ZFPM2: variants seen among roughly 807,000 people sequenced by gnomAD.
The protein encoded by ZFPM2 is zinc finger protein ZFPM2.
ZFPM2 carries 20 observed loss-of-function variants against 98.6 expected under a neutral mutation model. That is an observed-to-expected ratio of 0.20 (90% CI 0.14 to 0.29). The LOEUF is 0.29. Among genes scored for constraint, ZFPM2 ranks in the 10% least tolerant of loss-of-function variants. The probability of loss-of-function intolerance (pLI) is 1.00; values close to 1 mark genes in which losing one functional copy is unlikely to be tolerated. For missense variants in ZFPM2, 1,310 were observed against 1,388.6 expected (o/e 0.94, Z 0.90); for synonymous variants, 518 against 502.7 (o/e 1.03, Z -0.41).
chr8:105,489,466 A>ATATATATATATTTTTTTTTTTT (rs1554610604), intron 3 of ZFPM2, among the ~76,000 whole-genome samples: 1 of 119,776 alleles, frequency 8.3e-6, no homozygotes, highest in African/African-American at 3.6e-5. Flanking sequence ...ATATATATAT[A>ATATATATATATTTTTTTTTTTT]TTTTTTTTTT....
intron 5 of ZFPM2, among the ~76,000 whole-genome samples, chr8:105,767,701 G>A (rs1356324480): frequency 6.6e-6 from 1 of 151,654 alleles, no homozygotes; most frequent in Non-Finnish European, 1.5e-5. Flanking sequence ...AGACAATCAG[G>A]GAATATAAAA....
intron 4 of ZFPM2, chr8:105,616,567 C>T (rs1816419211): frequency 4.8e-6 from 1 of 207,332 alleles, no homozygotes; most frequent in Non-Finnish European, 1.0e-5. Flanking sequence ...AATCAGTACA[C>T]ACAATAATTA....
At chr8:105,378,877 T>A (rs1382604856) in intron 1 of ZFPM2, among the ~76,000 whole-genome samples, 2 of 152,038 alleles carry the variant, frequency 1.3e-5, no homozygotes, top group African/African-American at 4.8e-5. Context: ...TAATCAAGGA[T>A]AGGTAGGTAT....
At chr8:105,437,746 T>G (rs1163707964) in intron 2 of ZFPM2, among the ~76,000 whole-genome samples, 1 of 152,156 alleles carries the variant, frequency 6.6e-6, no homozygotes, top group African/African-American at 2.4e-5. Context: ...ATTTTTAATG[T>G]TAAACATTGT....
At chr8:105,600,318 G>T (rs186399137) in intron 4 of ZFPM2, among the ~76,000 whole-genome samples, 192 of 152,182 alleles carry the variant, frequency 1.3e-3, no homozygotes, top group Non-Finnish European at 2.3e-3. Context: ...AATATACTCT[G>T]AAATGTTTGT....
intron 6 of ZFPM2, among the ~76,000 whole-genome samples, chr8:105,795,387 A>C (rs918394903): frequency 2.0e-5 from 3 of 151,786 alleles, no homozygotes; most frequent in African/African-American, 4.8e-5. Context: ...CTGATGTTCT[A>C]CATGAGTTCA....
chr8:105,318,911 G>C lies in ZFPM2; in HGVS notation c.-31G>C. ...CGGCAGCCGCGACCGCGGGCACCGCGGGAGCCCCAGCGGCAGCAGCCGCCG... is the reference window on the plus strand; with the variant it reads ...CGGCAGCCGCGACCGCGGGCACCGCCGGAGCCCCAGCGGCAGCAGCCGCCG... On this transcript the variant is annotated 5_prime_UTR_variant, in exon 1 of 8. Coordinates refer to ENST00000407775, the MANE Select transcript of ZFPM2 (RefSeq NM_012082.4). 1.5e-6 allele frequency: 2 copies of C among 1,367,176 alleles called. No homozygotes were observed. The highest frequency in any genetic ancestry group is 1.5e-5 in the South Asian group (1 of 65,484). The allele number at this position is 1,367,176 out of a possible 1,614,324, so 84.7% of individuals were successfully genotyped here. A position where few individuals can be genotyped will look rare whatever the true frequency, so the allele number is the denominator to read the frequency against.
rs904100882 is a variant in ZFPM2, at chr8:105,725,031, TTACAA to T, written c.533-63681_533-63677del. Among the ~76,000 whole-genome samples, 13 of 151,948 alleles carry T rather than the reference TTACAA, an allele frequency of 8.6e-5. No individual in the cohort carries two copies. In the East Asian group the frequency reaches 1.2e-3, roughly 14 times the overall value. ...TTAAATCACATTTTTTTATCTGCCTTTACAATACAACATCCTTGCTCTTTTGTAAA... is the reference window on the plus strand; with the variant it reads ...TTAAATCACATTTTTTTATCTGCCTTTACAACATCCTTGCTCTTTTGTAAA... On this transcript the variant is annotated intron_variant, in intron 5 of 7. Transcript: ENST00000407775.
At chr8:105,693,743 C>T (rs1259848089) in intron 5 of ZFPM2, among the ~76,000 whole-genome samples, 2 of 151,878 alleles carry the variant, frequency 1.3e-5, no homozygotes, top group Non-Finnish European at 2.9e-5. Context: ...GGTGTATTAT[C>T]CAATTTTTAA....
chr8:105,393,239 C>A (rs1251647405), intron 1 of ZFPM2, among the ~76,000 whole-genome samples: 1 of 151,902 alleles, frequency 6.6e-6, no homozygotes, highest in African/African-American at 2.4e-5. Flanking sequence ...TAGAAGACAG[C>A]CTAATAAAAA....
rs147594424 is a variant in ZFPM2, at chr8:105,681,605, G to A, written c.532+47248G>A. 1.6e-3 allele frequency among the ~76,000 whole-genome samples: 247 copies of A among 152,250 alleles called. 1 individual carries two copies. Among genetic ancestry groups the A allele is most frequent in the Middle Eastern group, 0.014 (4 of 294 alleles). On this transcript the variant is annotated intron_variant, in intron 5 of 7. Transcript: ENST00000407775. ...AGTGTTGGATTCCTCATATCTGAAA[G>A]TAGGAAGAGTAATAACTACCTTGTG...
chr8:105,614,679 A>G (rs1187134212), intron 4 of ZFPM2, among the ~76,000 whole-genome samples: 2 of 152,044 alleles, frequency 1.3e-5, no homozygotes, highest in Non-Finnish European at 2.9e-5. Flanking sequence ...GCGGGACCCT[A>G]TGCACCAGTC....
At chr8:105,516,548 T>C (rs1403112203) in intron 3 of ZFPM2, among the ~76,000 whole-genome samples, 3 of 152,242 alleles carry the variant, frequency 2.0e-5, no homozygotes, top group Non-Finnish European at 2.9e-5. Flanking sequence ...GTTGGTCTAT[T>C]TACAGTTGAA....
At chr8:105,753,097 C>T (rs757136145) in intron 5 of ZFPM2, among the ~76,000 whole-genome samples, 1 of 152,122 alleles carries the variant, frequency 6.6e-6, no homozygotes, top group Non-Finnish European at 1.5e-5. Context: ...GGGGCGTGCT[C>T]CTCTCTCAGC....
intron 3 of ZFPM2, among the ~76,000 whole-genome samples, chr8:105,485,681 A>G (rs1002161229): frequency 6.6e-6 from 1 of 152,186 alleles, no homozygotes; most frequent in Non-Finnish European, 1.5e-5. Context: ...TATAGACTCT[A>G]AAAGAAGCTG....
intron 1 of ZFPM2, among the ~76,000 whole-genome samples, chr8:105,377,013 A>G (rs1206633957): frequency 6.6e-6 from 1 of 152,024 alleles, no homozygotes; most frequent in African/African-American, 2.4e-5. Context: ...TGGTCCTCTC[A>G]TCTCTGTGCT....
chr8:105,455,483 T>C (rs541302862), intron 3 of ZFPM2, among the ~76,000 whole-genome samples: 1 of 152,218 alleles, frequency 6.6e-6, no homozygotes, highest in African/African-American at 2.4e-5. Flanking sequence ...TGAAGCAGGG[T>C]TCAGATTCTT....
intron 1 of ZFPM2, among the ~76,000 whole-genome samples, chr8:105,399,315 A>G (rs747102289): frequency 6.6e-6 from 1 of 152,226 alleles, no homozygotes; most frequent in Non-Finnish European, 1.5e-5. Context: ...TGGTCACTGC[A>G]TTAGCTCTGG....
At chr8:105,618,043 A>G (rs940632695) in intron 4 of ZFPM2, among the ~76,000 whole-genome samples, 2 of 152,130 alleles carry the variant, frequency 1.3e-5, no homozygotes, top group Admixed American at 1.3e-4. Context: ...TCACCACAAA[A>G]GCTATAAATT....
Sources: gnomAD v4.1 joint callset for allele counts (sites outside exome capture counted in the v4.1 genomes callset) on GRCh38, gnomAD v4.1.1 for gene constraint, MANE v1.5 for transcripts, NCBI Gene and HGNC (gene_info 2026-07-23, HGNC 2026-07-21) for gene names.